The following PAK1 variants were observed in gnomAD, a reference collection of about 807,000 sequenced individuals.
PAK1 encodes serine/threonine-protein kinase PAK 1.
PAK1 carries 29 observed loss-of-function variants against 67.4 expected under a neutral mutation model. The observed-to-expected ratio is 0.43, with a 90% CI of 0.32 to 0.59. The LOEUF is 0.59. Among genes scored for constraint, PAK1 ranks in the 20% least tolerant of loss-of-function variants. The pLI, the probability that PAK1 is intolerant of heterozygous loss-of-function variation, is 0.07. For synonymous variants in PAK1, 223 were observed against 237.4 expected (o/e 0.94, Z 0.56); for missense variants, 337 against 670.7 (o/e 0.50, Z 5.50).
At chr11:77,354,948 C>A (rs1157489374) in intron 7 of PAK1, among the ~76,000 whole-genome samples, 2 of 152,082 alleles carry the variant, frequency 1.3e-5, no homozygotes, top group South Asian at 2.1e-4. Context: ...CCTAACATAC[C>A]CCCATTTCTG....
At chr11:77,449,977 T>C (rs1056025475) in intron 1 of PAK1, among the ~76,000 whole-genome samples, 7 of 152,176 alleles carry the variant, frequency 4.6e-5, no homozygotes, top group Admixed American at 2.0e-4. Context: ...AGACTTGGTT[T>C]CAAATCCTGG....
chr11:77,354,293 AGATTAG>A (rs1206228667), intron 7 of PAK1, among the ~76,000 whole-genome samples: 34 of 152,306 alleles, frequency 2.2e-4, no homozygotes, highest in African/African-American at 8.2e-4. Context: ...GTCAGAGCTA[AGATTAG>A]GAGTTTCATT....
chr11:77,342,885 C>CTTT (rs35338818), intron 10 of PAK1, among the ~76,000 whole-genome samples: 54 of 146,898 alleles, frequency 3.7e-4, no homozygotes, highest in Non-Finnish European at 3.1e-4. Context: ...AGAAGCTTAA[C>CTTT]TTTTTTTTTT....
intron 11 of PAK1, among the ~76,000 whole-genome samples, chr11:77,339,238 A>G (rs1943207229): frequency 6.6e-6 from 1 of 152,154 alleles, no homozygotes; most frequent in Non-Finnish European, 1.5e-5. Flanking sequence ...TCCATTTTAC[A>G]GATTAATAAT....
intron 10 of PAK1, among the ~76,000 whole-genome samples, chr11:77,341,995 A>G (rs1344815223): frequency 6.6e-6 from 1 of 152,188 alleles, no homozygotes; most frequent in South Asian, 2.1e-4. Flanking sequence ...TTGAACTGCT[A>G]TGGTCTGAAT....
intron 13 of PAK1, among the ~76,000 whole-genome samples, chr11:77,333,882 G>A (rs377210644): frequency 1.4e-4 from 22 of 152,138 alleles, no homozygotes; most frequent in African/African-American, 3.4e-4. Context: ...GTCTAGGGCC[G>A]GGCGTGGTGG....
In PAK1 at chr11:77,381,200, C is replaced by T. The variant is rs1394513549; in HGVS notation, c.191-1206G>A. Among the ~76,000 whole-genome samples, 4 of 148,798 alleles carry T rather than the reference C, an allele frequency of 2.7e-5. No individual in the cohort carries two copies. In the East Asian group the frequency reaches 5.9e-4, roughly 22 times the overall value. On this transcript the variant is annotated intron_variant, in intron 2 of 14. Coordinates refer to ENST00000356341, the MANE Select transcript of PAK1 (RefSeq NM_002576.5). The stretch of plus-strand genomic sequence containing the variant: ...GTAGAGAGAGAGAGAGAAAGAGAGA[C>T]CAGGATCTCTGCTTTCTCATCTAAA...
chr11:77,469,471 T>C (rs1957749559), intron 1 of PAK1, among the ~76,000 whole-genome samples: 1 of 152,202 alleles, frequency 6.6e-6, no homozygotes, highest in African/African-American at 2.4e-5. Context: ...TTTATAGTCA[T>C]TATTTTAATT....
chr11:77,446,350 A>C (rs1343500113), intron 1 of PAK1, among the ~76,000 whole-genome samples: 1 of 151,990 alleles, frequency 6.6e-6, no homozygotes, highest in Non-Finnish European at 1.5e-5. Flanking sequence ...TGAATCTACT[A>C]AAAATACAAA....
In PAK1 at chr11:77,376,529, T is replaced by C. The variant is rs576046081; in HGVS notation, c.440-2164A>G. Reference sequence around the variant, plus strand: ...CAAGGTGGGTGGATCATGAGGTCAATAGGTCAAGACCAGCCTGGCCAATAT... The same window carrying C: ...CAAGGTGGGTGGATCATGAGGTCAACAGGTCAAGACCAGCCTGGCCAATAT... On this transcript the variant is annotated intron_variant, in intron 4 of 14. Coordinates refer to ENST00000356341, the MANE Select transcript of PAK1 (RefSeq NM_002576.5). Among the ~76,000 whole-genome samples, 110 of 151,950 alleles carry C rather than the reference T, an allele frequency of 7.2e-4. 1 individual carries two copies. Among genetic ancestry groups the C allele is most frequent in the Non-Finnish European group, 9.6e-4 (65 of 67,936 alleles).
intron 1 of PAK1, among the ~76,000 whole-genome samples, chr11:77,407,039 T>C (rs1195711047): frequency 6.6e-6 from 1 of 152,102 alleles, no homozygotes; most frequent in Non-Finnish European, 1.5e-5. Context: ...TATATAATTA[T>C]TATTATTTTT....
At chr11:77,514,351 C>T in the PAK1 span, among the ~76,000 whole-genome samples, 493 of 152,096 alleles carry the variant, frequency 3.2e-3, 1 homozygote, top group Non-Finnish European at 5.1e-3. Context: ...AAAAATTAGT[C>T]GGGTGTAGTG....
intron 2 of PAK1, among the ~76,000 whole-genome samples, chr11:77,382,096 A>G (rs187848062): frequency 9.9e-5 from 15 of 152,164 alleles, no homozygotes; most frequent in African/African-American, 3.4e-4. Context: ...TTCAATTTTT[A>G]TTTTCTATAT....
At chr11:77,446,373 ATGCTGG>A in intron 1 of PAK1, among the ~76,000 whole-genome samples, 1 of 152,192 alleles carries the variant, frequency 6.6e-6, no homozygotes, top group Middle Eastern at 3.4e-3. Flanking sequence ...TTAGCCAGGC[ATGCTGG>A]TGCAGGCTTG....
intron 7 of PAK1, 49 bp from the exon 8 acceptor site, chr11:77,353,648 C>T: frequency 2.1e-6 from 3 of 1,455,904 alleles, no homozygotes; most frequent in Non-Finnish European, 2.9e-6. Context: ...AATCAAGATA[C>T]AAAAAAGGTT....
chr11:77,397,085 T>G (rs952779733), intron 1 of PAK1: 3 of 152,228 alleles, frequency 2.0e-5, no homozygotes, highest in African/African-American at 7.2e-5. Flanking sequence ...AACCAATGCC[T>G]CAGACGTGCT....
the PAK1 span, among the ~76,000 whole-genome samples, chr11:77,504,309 A>G: frequency 3.6e-3 from 545 of 151,140 alleles, 11 homozygotes; most frequent in Admixed American, 0.032. Flanking sequence ...TAGTGAAAGG[A>G]GTAGCATTCC....
chr11:77,490,880 G>C, the PAK1 span, among the ~76,000 whole-genome samples: 3 of 152,148 alleles, frequency 2.0e-5, no homozygotes, highest in Non-Finnish European at 4.4e-5. Context: ...AGGGTTAAAT[G>C]GATTAAGGGT....
At chr11:77,374,494 A>G in intron 4 of PAK1, 129 bp from the exon 5 acceptor site, 1 of 671,154 alleles carries the variant, frequency 1.5e-6, no homozygotes. Context: ...GACTGGTACT[A>G]CAGGCTAGAT....
Sources: gnomAD v4.1 joint callset for allele counts (sites outside exome capture counted in the v4.1 genomes callset) on GRCh38, gnomAD v4.1.1 for gene constraint, MANE v1.5 for transcripts, NCBI Gene and HGNC (gene_info 2026-07-23, HGNC 2026-07-21) for gene names.